The following BICDL1 variants were observed in gnomAD, a reference collection of about 807,000 sequenced individuals.
BICDL1 encodes the protein BICD family like cargo adaptor 1.
In BICDL1, 20 loss-of-function variants were observed where a neutral mutation model predicts 76.8. The ratio of observed to expected loss-of-function variants is 0.26; its 90% CI spans 0.18 to 0.38. BICDL1 has a LOEUF of 0.38. Among genes scored for constraint, BICDL1 ranks in the 10% least tolerant of loss-of-function variants. The pLI is 1.00. For missense variants in BICDL1, 700 were observed against 798.6 expected (o/e 0.88, Z 1.49); for synonymous variants, 383 against 337.1 (o/e 1.14, Z -1.49).
Position 120,072,698 on chromosome 12 carries a change from T to TA in BICDL1, c.1278dup (p.Gln427ThrfsTer16). 6.2e-7 allele frequency: 1 copy of TA among 1,613,626 alleles called. No homozygotes were observed. The highest frequency in any genetic ancestry group is 8.5e-7 in the Non-Finnish European group (1 of 1,180,018). ...GCCCTCAATGAGCTCAAGAGACTGA[T>TA]ACAGAGCATTGTGGATGGCATGGAG... On this transcript the variant is annotated frameshift_variant, in exon 6 of 10. Coordinates refer to ENST00000548673, the MANE Select transcript of BICDL1 (RefSeq NM_001367886.1). LOFTEE classifies it high-confidence loss of function.
At chr12:119,990,335 G>GC (rs2138566408) in intron 1 of BICDL1, 38 bp downstream of exon 1, 1 of 1,544,280 alleles carries the variant, frequency 6.5e-7, no homozygotes, top group East Asian at 2.5e-5. Context: ...GGGAGCAGGG[G>GC]CCGCCCAGGC....
intron 8 of BICDL1, among the ~76,000 whole-genome samples, chr12:120,083,754 G>C (rs945534427): frequency 3.9e-5 from 6 of 151,918 alleles, no homozygotes; most frequent in Non-Finnish European, 8.8e-5. Context: ...CCACCTCCCA[G>C]GTTCGAGCGA....
chr12:119,994,972 TTATC>T (rs1446345262), intron 1 of BICDL1, among the ~76,000 whole-genome samples: 4 of 152,210 alleles, frequency 2.6e-5, no homozygotes, highest in Admixed American at 6.5e-5. Context: ...TTTATTCAGA[TTATC>T]TAAGCATTTA....
intron 2 of BICDL1, among the ~76,000 whole-genome samples, chr12:119,999,163 A>C (rs1302195127): frequency 1.3e-5 from 2 of 152,064 alleles, no homozygotes; most frequent in Non-Finnish European, 2.9e-5. Flanking sequence ...CGTTTTTAAC[A>C]AAGTTCAGTA....
chr12:120,019,677 T>C (rs139604142), intron 2 of BICDL1, among the ~76,000 whole-genome samples: 66 of 152,270 alleles, frequency 4.3e-4, no homozygotes, highest in Non-Finnish European at 8.8e-4. Flanking sequence ...TTGGAACTCC[T>C]GGGCTCAACA....
At chr12:120,052,317 C>T (rs7968279) in intron 2 of BICDL1, among the ~76,000 whole-genome samples, 46,086 of 145,672 alleles carry the variant, frequency 0.32, 8,733 homozygotes, top group African/African-American at 0.55. Flanking sequence ...CTTTCTCTCT[C>T]TCTCTCTCTC....
intron 2 of BICDL1, among the ~76,000 whole-genome samples, chr12:120,042,080 C>T (rs1159225968): frequency 1.3e-5 from 2 of 151,836 alleles, no homozygotes; most frequent in African/African-American, 4.8e-5. Context: ...AGTCAGTAGT[C>T]TTGGTGGGTG....
intron 2 of BICDL1, chr12:120,000,608 T>G (rs1951739789): frequency 6.6e-6 from 1 of 152,148 alleles, no homozygotes; most frequent in African/African-American, 2.4e-5. Context: ...AATTAAGATT[T>G]CTTGGGGGCT....
chr12:120,085,288 C>CA (rs1234624365), intron 8 of BICDL1, among the ~76,000 whole-genome samples: 133 of 145,430 alleles, frequency 9.1e-4, no homozygotes, highest in Admixed American at 2.1e-3. Flanking sequence ...CCTACCCAAA[C>CA]AAAAAAAAAA....
intron 7 of BICDL1, 76 bp downstream of exon 7, chr12:120,074,662 C>G: frequency 4.0e-6 from 4 of 988,554 alleles, no homozygotes; most frequent in South Asian, 3.8e-5. Context: ...TTTTGAGTTT[C>G]TCTCTCCCAT....
chr12:120,065,414 T>C (rs1953199444), intron 4 of BICDL1, among the ~76,000 whole-genome samples: 2 of 152,212 alleles, frequency 1.3e-5, no homozygotes, highest in Non-Finnish European at 2.9e-5. Context: ...GTCTCTTTTT[T>C]TCTTTCTGAA....
chr12:120,063,324 C>G (rs1029402436), intron 3 of BICDL1, among the ~76,000 whole-genome samples: 2 of 152,198 alleles, frequency 1.3e-5, no homozygotes, highest in African/African-American at 2.4e-5. Flanking sequence ...TTTTGGTCCC[C>G]TACCCAGATG....
rs1454911669 is a variant in BICDL1 at position 119,990,253 on chromosome 12, C to G, written c.385C>G (p.Arg129Gly). The G allele has an allele frequency of 3.2e-6, 5 of 1,577,528 alleles. No homozygotes were observed. The highest frequency in any genetic ancestry group is 4.3e-6 in the Non-Finnish European group (5 of 1,162,616). The change falls in exon 1 of 10, where the codon CGG (arginine) becomes GGG (glycine). Residue 129 changes from arginine to glycine, a missense_variant. Physicochemically the swap from Arg to Gly is moderately radical, Grantham distance 125. Around this residue, in one of 3 missense-constraint regions of BICDL1, gnomAD observed 225 missense variants for 199.6 expected, o/e 1.13. Transcript: ENST00000548673. ...ALLERNQDMS[R>G]QYEQMHKELT... ...GCTCGAGAGGAACCAGGACATGAGC[C>G]GGCAGTACGAGCAGATGCATAAGGA...
chr12:120,027,027 CTTTTTT>C (rs10606114), intron 2 of BICDL1, among the ~76,000 whole-genome samples: 3 of 118,100 alleles, frequency 2.5e-5, no homozygotes, highest in African/African-American at 6.7e-5. Flanking sequence ...GATGTAATTT[CTTTTTT>C]TTTTTTTTTT....
chr12:120,044,642 A>G (rs1374316788), intron 2 of BICDL1, among the ~76,000 whole-genome samples: 2 of 152,138 alleles, frequency 1.3e-5, no homozygotes, highest in East Asian at 3.8e-4. Flanking sequence ...CAGTTTTCCC[A>G]GCACCATTTA....
rs1026034199 is a variant in BICDL1 at position 120,006,004 on chromosome 12, G to A, written c.645+7268G>A. On this transcript the variant is annotated intron_variant, in intron 2 of 9. Transcript: ENST00000548673. ...GATACTATCATATTGCTCCAAGAAT[G>A]TTTTAATAGTCTATACTCTCCTCAT... Among the ~76,000 whole-genome samples, 8 of 152,194 alleles carry A rather than the reference G, an allele frequency of 5.3e-5. No homozygotes were observed. In the East Asian group the frequency reaches 9.6e-4, roughly 18 times the overall value.
intron 2 of BICDL1, among the ~76,000 whole-genome samples, chr12:120,028,884 A>G (rs938835185): frequency 3.9e-5 from 6 of 152,162 alleles, no homozygotes; most frequent in Admixed American, 1.3e-4. Context: ...AAAATGTATT[A>G]TATTATGAAG....
intron 6 of BICDL1, among the ~76,000 whole-genome samples, chr12:120,072,966 G>A (rs1429008623): frequency 6.6e-6 from 1 of 152,184 alleles, no homozygotes; most frequent in South Asian, 2.1e-4. Flanking sequence ...TGCCTCTCAG[G>A]TTCAAGTGAT....
rs16949854 is a variant in BICDL1 at position 120,010,088 on chromosome 12, G to A, written c.645+11352G>A. On this transcript the variant is annotated intron_variant, in intron 2 of 9. Transcript: ENST00000548673. Reference sequence around the variant, plus strand: ...TCTTGAGATGTCATGTAGAACACACGCAAGACCACCAGTGCCTCAGCCTGT... The same window carrying A: ...TCTTGAGATGTCATGTAGAACACACACAAGACCACCAGTGCCTCAGCCTGT... Among the ~76,000 whole-genome samples, 780 of 152,248 alleles carry A rather than the reference G, an allele frequency of 5.1e-3. 6 individuals carry two copies. Among genetic ancestry groups the A allele is most frequent in the African/African-American group, 0.018 (739 of 41,516 alleles).
Sources: gnomAD v4.1 joint callset for allele counts (sites outside exome capture counted in the v4.1 genomes callset) on GRCh38, gnomAD v4.1.1 for gene constraint, gnomAD v4.1.1 regional missense constraint, MANE v1.5 for transcripts, NCBI Gene and HGNC (gene_info 2026-07-23, HGNC 2026-07-21) for gene names.